SARDH: variants seen among roughly 807,000 people sequenced by gnomAD.
SARDH encodes the protein sarcosine dehydrogenase, mitochondrial.
In SARDH, 95 loss-of-function variants were observed where a neutral mutation model predicts 109.1. That is an observed-to-expected ratio of 0.87 (90% CI 0.74 to 1.03). The LOEUF (loss-of-function observed/expected upper bound fraction) is 1.03, where lower values mean the gene tolerates loss of function less well. Ranked by LOEUF, SARDH falls within the 50% of genes least tolerant of loss-of-function variation. The pLI is 0.00. For missense variants in SARDH, 1,267 were observed against 1,287.8 expected, an observed-to-expected ratio of 0.98 and a Z score of 0.25; for synonymous variants, 572 against 534.8, an observed-to-expected ratio of 1.07 and a Z score of -0.96.
chr9:133,664,150 C>A (rs528825486), intron 20 of SARDH, 136 bp from the exon 21 acceptor site: 1 of 1,166,862 alleles, frequency 8.6e-7, no homozygotes, highest in Non-Finnish European at 1.2e-6. Context: ...CCAGGGACTC[C>A]TTTCTGAACC....
chr9:133,678,928 C>T (rs1830604773), intron 17 of SARDH, among the ~76,000 whole-genome samples: 1 of 152,214 alleles, frequency 6.6e-6, no homozygotes, highest in Non-Finnish European at 1.5e-5. Context: ...CTTTTCTTTC[C>T]TTACAAGGGC....
At chr9:133,699,069 G>A (rs565819475) in intron 13 of SARDH, among the ~76,000 whole-genome samples, 5 of 152,318 alleles carry the variant, frequency 3.3e-5, no homozygotes, top group African/African-American at 9.6e-5. Context: ...AAAGACAGTC[G>A]GCTGCGGTGG....
At chr9:133,685,310 C>A in intron 16 of SARDH, 24 bp from the exon 17 acceptor site, 1 of 1,607,274 alleles carries the variant, frequency 6.2e-7, no homozygotes, top group South Asian at 1.1e-5. Context: ...CAAAGTCGCT[C>A]AGTCAGCAAG....
At chr9:133,717,152 G>A (rs1031071043) in intron 8 of SARDH, among the ~76,000 whole-genome samples, 174 bp downstream of exon 8, 18 of 152,064 alleles carry the variant, frequency 1.2e-4, no homozygotes, top group African/African-American at 4.3e-4. Flanking sequence ...CCCGTAGAGG[G>A]GAATAAAGGC....
chr9:133,707,002 A>G (rs543458044), intron 11 of SARDH, among the ~76,000 whole-genome samples: 1 of 152,190 alleles, frequency 6.6e-6, no homozygotes, highest in Non-Finnish European at 1.5e-5. Context: ...TCAGTGAACC[A>G]TGGGGACATC....
chr9:133,700,715 GCACACACACA>G (rs533474645), intron 13 of SARDH, among the ~76,000 whole-genome samples: 1 of 139,306 alleles, frequency 7.2e-6, no homozygotes, highest in African/African-American at 2.7e-5. Flanking sequence ...TGTTTTCAAA[GCACACACACA>G]CACACGCACG....
intron 6 of SARDH, 30 bp from the exon 7 acceptor site, chr9:133,719,072 C>T (rs1164367095): frequency 1.9e-6 from 3 of 1,596,596 alleles, no homozygotes; most frequent in African/African-American, 1.3e-5. Flanking sequence ...GCCTTGGCAT[C>T]ATCCAGAACT....
At chr9:133,710,283 A>C (rs1003482965) in intron 10 of SARDH, among the ~76,000 whole-genome samples, 3 of 152,236 alleles carry the variant, frequency 2.0e-5, no homozygotes, top group Non-Finnish European at 4.4e-5. Flanking sequence ...GGAGCGACTG[A>C]CCAAGGGCCA....
rs59172198 is a variant in SARDH, at chr9:133,726,394, A to ATAATAATAATAATAATAATAATAGTAG, written c.915+3370_915+3371insCTACTATTATTATTATTATTATTATTA. On this transcript the variant is annotated intron_variant, in intron 6 of 20. Transcript: ENST00000439388. The stretch of plus-strand genomic sequence containing the variant: ...AATAATAATAATAATAATAATAATA[A>ATAATAATAATAATAATAATAATAGTAG]TAGTAGTAGTAGTAGTAGTAGTTAT... Among the ~76,000 whole-genome samples, 798 of 132,282 alleles carry ATAATAATAATAATAATAATAATAGTAG rather than the reference A, an allele frequency of 6.0e-3. 7 individuals are homozygous for ATAATAATAATAATAATAATAATAGTAG. Among genetic ancestry groups the ATAATAATAATAATAATAATAATAGTAG allele is most frequent in the Middle Eastern group, 0.016 (4 of 258 alleles). 86.8% of individuals were successfully genotyped at this position (132,282 alleles called of 152,430 possible). A position where few individuals can be genotyped will look rare whatever the true frequency, so the allele number is the denominator to read the frequency against.
chr9:133,735,737 G>A (rs896498079), intron 1 of SARDH, among the ~76,000 whole-genome samples: 6 of 152,294 alleles, frequency 3.9e-5, no homozygotes, highest in African/African-American at 1.4e-4. Context: ...CACACCCCTC[G>A]GTGGAGATTT....
chr9:133,716,903 T>C (rs1588441293), intron 8 of SARDH, among the ~76,000 whole-genome samples: 1 of 139,104 alleles, frequency 7.2e-6, no homozygotes, highest in African/African-American at 2.6e-5. Flanking sequence ...CACAGCTGTA[T>C]AAGCCTCTCA....
downstream of SARDH, among the ~76,000 whole-genome samples, chr9:133,662,832 G>A (rs571989043): frequency 8.5e-5 from 13 of 152,346 alleles, no homozygotes; most frequent in East Asian, 1.9e-4. This position sits in a 1 kb window ranked among gnomAD's most constrained non-coding sequence, Gnocchi z 5.1. Flanking sequence ...CCGCTCTGAC[G>A]GGCCTGATCT....
At chr9:133,731,505 T>G in intron 3 of SARDH, 21 bp from the exon 4 acceptor site, 1 of 1,612,448 alleles carries the variant, frequency 6.2e-7, no homozygotes, top group Non-Finnish European at 8.5e-7. Context: ...CCAGGGGAGG[T>G]TAACTGAGTC....
chr9:133,729,034 G>A (rs1277901441), intron 6 of SARDH, among the ~76,000 whole-genome samples: 2 of 148,158 alleles, frequency 1.3e-5, no homozygotes, highest in Non-Finnish European at 3.0e-5. Flanking sequence ...GTGGAGGGAG[G>A]AATGGATGAA....
chr9:133,702,777 C>T (rs1831538387), intron 13 of SARDH, 139 bp downstream of exon 13: 1 of 700,868 alleles, frequency 1.4e-6, no homozygotes, highest in Middle Eastern at 3.3e-4. Flanking sequence ...TGGAGTCAGC[C>T]GAAAAAAGCG....
intron 6 of SARDH, 90 bp from the exon 7 acceptor site, chr9:133,719,132 C>T: frequency 1.9e-6 from 2 of 1,055,878 alleles, no homozygotes; most frequent in Non-Finnish European, 1.5e-6. Context: ...CACCTCCACC[C>T]AGGGTCACGG....
chr9:133,677,367 A>G (rs1423384260), intron 17 of SARDH, among the ~76,000 whole-genome samples: 3 of 152,188 alleles, frequency 2.0e-5, no homozygotes, highest in Non-Finnish European at 4.4e-5. Flanking sequence ...AAGAATCCGT[A>G]GGGGATGCAC....
intron 6 of SARDH, among the ~76,000 whole-genome samples, chr9:133,723,519 T>C (rs551438481): frequency 2.0e-5 from 3 of 152,278 alleles, no homozygotes; most frequent in African/African-American, 4.8e-5. Flanking sequence ...TCCCAGCACT[T>C]TGGGAGGCCA....
chr9:133,665,201 C>T (rs1051425660), intron 20 of SARDH, among the ~76,000 whole-genome samples: 6 of 151,724 alleles, frequency 4.0e-5, no homozygotes, highest in South Asian at 2.1e-4. Flanking sequence ...GTCTGGATGC[C>T]GTTTAACCTC....
Sources: gnomAD v4.1 joint callset for allele counts (sites outside exome capture counted in the v4.1 genomes callset) on GRCh38, gnomAD v4.1.1 for gene constraint, Gnocchi (gnomAD v3.1) non-coding constraint, MANE v1.5 for transcripts, NCBI Gene and HGNC (gene_info 2026-07-23, HGNC 2026-07-21) for gene names.